The following HMCN2 variants were observed in gnomAD, a reference collection of about 807,000 sequenced individuals.
HMCN2 encodes hemicentin-2.
In HMCN2, 325 loss-of-function variants were observed where a neutral mutation model predicts 377.5. That is an observed-to-expected ratio of 0.86 (90% CI 0.79 to 0.94). The LOEUF (loss-of-function observed/expected upper bound fraction) is 0.94, where lower values mean the gene tolerates loss of function less well. HMCN2 is among the 40% of genes least tolerant of loss of function. The pLI, the probability that HMCN2 is intolerant of heterozygous loss-of-function variation, is 0.00. For synonymous variants in HMCN2, 2,007 were observed against 2,046.8 expected, an observed-to-expected ratio of 0.98 and a Z score of 0.53; for missense variants, 4,543 against 4,725.3, an observed-to-expected ratio of 0.96 and a Z score of 1.13.
In HMCN2 at chr9:130,306,908, G is replaced by C. The variant is rs1311051829; in HGVS notation, c.2056G>C (p.Asp686His). The change falls in exon 13 of 98, where the codon GAC becomes CAC. Residue 686 changes from aspartate to histidine, a missense_variant. Physicochemically the swap from Asp to His is moderately conservative, Grantham distance 81 (BLOSUM62 -1). Transcript: ENST00000683500. ...SCQATNEVGT[D>H]QETVTLYYTD... ...CCAGGCGACTAATGAGGTTGGCACT[G>C]ACCAGGAGACGGTCACCCTCTACTA... 1.1e-5 allele frequency: 5 copies of C among 470,666 alleles called. No individual in the cohort carries two copies. The highest frequency in any genetic ancestry group is 6.2e-5 in the South Asian group (4 of 64,516). 29.2% of individuals were successfully genotyped at this position (470,666 alleles called of 1,614,324 possible).
chr9:130,412,119 A>C (rs1474246565), intron 85 of HMCN2, among the ~76,000 whole-genome samples: 2 of 152,152 alleles, frequency 1.3e-5, no homozygotes, highest in African/African-American at 2.4e-5. Context: ...TTATAGGCGC[A>C]CGCCACCACA....
At position 130,351,432 on chromosome 9, in the gene HMCN2, TC is replaced by T; in HGVS notation, c.4442del (p.Pro1481ArgfsTer69). On this transcript the variant is annotated frameshift_variant, in exon 30 of 98. Coordinates refer to ENST00000683500, the MANE Select transcript of HMCN2 (RefSeq NM_001291815.2). LOFTEE classifies it high-confidence loss of function. This position sits in a 1 kb window ranked among gnomAD's most constrained non-coding sequence, Gnocchi z 5.4. The stretch of plus-strand genomic sequence containing the variant: ...TTGCCCGTCTCTCCAGGCCTGTCCT[TC>T]CGGGAGGCCCTCACCTGCAGGTCCA... ...EWTKDRQPVL[P>X]GGPHLQVQED... 1 of 1,304,044 alleles carries T rather than the reference TC, an allele frequency of 7.7e-7. No homozygotes were observed. Among genetic ancestry groups the T allele is most frequent in the Non-Finnish European group, 1.0e-6 (1 of 988,836 alleles). 80.8% of individuals were successfully genotyped at this position (1,304,044 alleles called of 1,614,324 possible).
intron 85 of HMCN2, among the ~76,000 whole-genome samples, chr9:130,416,071 C>T (rs148794632): frequency 4.4e-4 from 66 of 151,304 alleles, no homozygotes; most frequent in African/African-American, 1.6e-3. Flanking sequence ...AAGGCTTCCA[C>T]TGTTCTTATC....
rs1844313961 is a variant in HMCN2, at chr9:130,425,831, C to A, written c.13786C>A (p.Leu4596Met). The change falls in exon 90 of 98, where the codon CTG becomes ATG. Residue 4596 changes from leucine to methionine, a missense_variant. Transcript: ENST00000683500. ...CGCGGCCCGGGGCCCCCAGCCCCAG[C>A]TGGTGCAGCACCTGCGGGCCTCAGC... ...YNAARGPQPQLVQHLRASAIS... is the reference protein window; with the variant it reads ...YNAARGPQPQMVQHLRASAIS... The A allele has an allele frequency of 6.4e-7, 1 of 1,550,512 alleles. No homozygotes were observed. Among genetic ancestry groups the A allele is most frequent in the Non-Finnish European group, 8.7e-7 (1 of 1,146,968 alleles).
chr9:130,397,479 C>T lies in HMCN2; in HGVS notation c.11199-49C>T, dbSNP rs769747419. ...GGTCTTGCTAGAGACAGCCTTGCTC[C>T]AGACCCCACTGGCTTGCTCATCTCC... On this transcript the variant is annotated intron_variant, in intron 73 of 97. Coordinates refer to ENST00000683500, the MANE Select transcript of HMCN2 (RefSeq NM_001291815.2). 2.9e-5 allele frequency: 37 copies of T among 1,283,378 alleles called. No homozygotes were observed. The African/African-American group carries it at 4.7e-4, about 16-fold the overall frequency. The allele number at this position is 1,283,378 out of a possible 1,614,324, so 79.5% of individuals were successfully genotyped here.
At chr9:130,284,333 G>T (rs7043286) in intron 1 of HMCN2, among the ~76,000 whole-genome samples, 2 of 152,094 alleles carry the variant, frequency 1.3e-5, no homozygotes, top group Non-Finnish European at 2.9e-5. Flanking sequence ...GCTGCTGTCC[G>T]GAGGGAGGAG....
chr9:130,317,809 C>A (rs909916521), intron 15 of HMCN2, among the ~76,000 whole-genome samples: 2 of 53,584 alleles, frequency 3.7e-5, no homozygotes, highest in Non-Finnish European at 8.8e-5. Context: ...AAAAAAAACA[C>A]AAACAAACCA....
rs1840294658 is a variant in HMCN2, at chr9:130,360,201, C to A, written c.5774-227C>A. ...CCTGAATGAAGAACTCTGACCTTCT[C>A]CAATGCCTGAAAAAATAGTGTGGTC... On this transcript the variant is annotated intron_variant, in intron 37 of 97. Transcript: ENST00000683500. This position sits in a 1 kb window ranked among gnomAD's most constrained non-coding sequence, Gnocchi z 4.7. Among the ~76,000 whole-genome samples, 1 of 152,198 alleles carries A rather than the reference C, an allele frequency of 6.6e-6. No homozygotes were observed. The highest frequency in any genetic ancestry group is 2.4e-5 in the African/African-American group (1 of 41,428).
At position 130,393,939 on chromosome 9, in the gene HMCN2, G is replaced by A. The variant is rs867435057; in HGVS notation, c.10432G>A (p.Gly3478Arg). 4 of 1,288,876 alleles carry A rather than the reference G, an allele frequency of 3.1e-6. No homozygotes were observed. In the African/African-American group the frequency reaches 6.1e-5, roughly 20 times the overall value. The allele number at this position is 1,288,876 out of a possible 1,614,324, so 79.8% of individuals were successfully genotyped here. A position where few individuals can be genotyped will look rare whatever the true frequency, so the allele number is the denominator to read the frequency against. ...QLEAVGAGDS[G>R]TYSCVAVSEA... Reference sequence around the variant, plus strand: ...GGAGGCAGTGGGAGCTGGTGACTCGGGGACCTACTCCTGTGTGGCCGTGAG... The same window carrying A: ...GGAGGCAGTGGGAGCTGGTGACTCGAGGACCTACTCCTGTGTGGCCGTGAG... Residue 3478 changes from glycine (G) to arginine (R), a missense_variant, in exon 68 of 98, where the codon GGG becomes AGG. Gly to Arg is a moderately radical substitution (Grantham distance 125). This residue lies in a region of HMCN2 where 1,073 missense variants were observed against 1,319.5 expected (regional missense o/e 0.81). Transcript: ENST00000683500. The surrounding 1 kb of genome is among the most constrained non-coding windows in gnomAD (Gnocchi z 5.2).
In HMCN2 at chr9:130,429,693, G is replaced by A. The variant is rs970101473; in HGVS notation, c.14326+8G>A. ...CCAGCCTGCCCTGCCTAGGTACGGG[G>A]ACACCCACCCTCTGGCCACACCGCT... On this transcript the variant is annotated splice_region_variant and intron_variant, in intron 94 of 97. Coordinates refer to ENST00000683500, the MANE Select transcript of HMCN2 (RefSeq NM_001291815.2). 2 of 1,334,204 alleles carry A rather than the reference G, an allele frequency of 1.5e-6. No individual in the cohort carries two copies. The highest frequency in any genetic ancestry group is 3.1e-5 in the African/African-American group (2 of 65,306). The allele number at this position is 1,334,204 out of a possible 1,614,324, so 82.6% of individuals were successfully genotyped here. A position where few individuals can be genotyped will look rare whatever the true frequency, so the allele number is the denominator to read the frequency against.
At chr9:130,431,144 T>C in intron 95 of HMCN2, 1 of 588,014 alleles carries the variant, frequency 1.7e-6, no homozygotes. Context: ...TTGCTCCTTC[T>C]ATGCCTTGGT....
chr9:130,339,567 G>A (rs1459968817), intron 23 of HMCN2, among the ~76,000 whole-genome samples: 1 of 152,216 alleles, frequency 6.6e-6, no homozygotes, highest in Non-Finnish European at 1.5e-5. Context: ...CTGACTGGCT[G>A]TGTGACCTTA....
At chr9:130,377,837 C>T in intron 53 of HMCN2, 38 bp downstream of exon 53, 1 of 985,752 alleles carries the variant, frequency 1.0e-6, no homozygotes, top group Non-Finnish European at 1.2e-6. Flanking sequence ...GGGCGTCAGC[C>T]AGTGTGAGGA....
intron 36 of HMCN2, 130 bp from the exon 37 acceptor site, chr9:130,359,189 T>G: frequency 4.3e-5 from 15 of 349,748 alleles, no homozygotes; most frequent in Non-Finnish European, 7.7e-5. Context: ...TCTGAGGACA[T>G]GAGCTGTTTT....
intron 81 of HMCN2, 44 bp from the exon 82 acceptor site, chr9:130,405,911 C>T (rs999345393): frequency 1.0e-5 from 13 of 1,242,114 alleles, no homozygotes; most frequent in South Asian, 4.0e-5. Flanking sequence ...TGACCTATGC[C>T]GAGGTGGGGC....
intron 22 of HMCN2, among the ~76,000 whole-genome samples, chr9:130,332,385 G>A (rs1040812442): frequency 3.5e-4 from 53 of 152,324 alleles, no homozygotes; most frequent in Non-Finnish European, 6.2e-4. Flanking sequence ...CCACACCTCC[G>A]GAGGCTCAGT....
rs566955173 is a variant in HMCN2, at chr9:130,380,067, G to A, written c.8431+600G>A. 2.4e-4 allele frequency among the ~76,000 whole-genome samples: 36 copies of A among 152,148 alleles called. No homozygotes were observed. The South Asian group carries it at 6.7e-3, about 28-fold the overall frequency. ...CTTTTTGTATTTTTAGTACAGATGG[G>A]GTTTTTCCATGTTGGCCAGCCTGGT... On this transcript the variant is annotated intron_variant, in intron 54 of 97. Coordinates refer to ENST00000683500, the MANE Select transcript of HMCN2 (RefSeq NM_001291815.2).
chr9:130,266,243 C>T (rs147629245), intron 1 of HMCN2, 106 bp downstream of exon 1: 22 of 356,572 alleles, frequency 6.2e-5, no homozygotes, highest in Non-Finnish European at 9.9e-5. Context: ...TGGGCTGCGC[C>T]GCGGCTTGGC....
chr9:130,315,843 C>T (rs946812616), intron 15 of HMCN2, among the ~76,000 whole-genome samples: 15 of 152,206 alleles, frequency 9.9e-5, no homozygotes, highest in Admixed American at 7.2e-4. Flanking sequence ...AGAGGAAGGA[C>T]GCTCCCTGGC....
Sources: gnomAD v4.1 joint callset for allele counts (sites outside exome capture counted in the v4.1 genomes callset) on GRCh38, gnomAD v4.1.1 for gene constraint, gnomAD v4.1.1 regional missense constraint, Gnocchi (gnomAD v3.1) non-coding constraint, MANE v1.5 for transcripts, NCBI Gene and HGNC (gene_info 2026-07-23, HGNC 2026-07-21) for gene names.